Variants in ZDHHC17 observed in about 807,000 individuals in gnomAD.
The protein encoded by ZDHHC17 is zDHHC palmitoyltransferase 17, also known as palmitoyltransferase ZDHHC17.
A neutral mutation model predicts 90.3 loss-of-function variants in ZDHHC17; 40 were observed. The observed-to-expected ratio is 0.44, with a 90% confidence interval of 0.34 to 0.58. ZDHHC17 has a LOEUF of 0.58. Ranked by LOEUF, ZDHHC17 falls within the 20% of genes least tolerant of loss-of-function variation. The pLI, the probability that ZDHHC17 is intolerant of heterozygous loss-of-function variation, is 0.01. For missense variants in ZDHHC17, 614 were observed against 780.8 expected (o/e 0.79, Z 2.55); for synonymous variants, 235 against 252.4 (o/e 0.93, Z 0.65).
At chr12:76,825,518 G>C (rs939982668) in intron 8 of ZDHHC17, among the ~76,000 whole-genome samples, 5 of 151,970 alleles carry the variant, frequency 3.3e-5, no homozygotes, top group Non-Finnish European at 7.4e-5. Flanking sequence ...TTGATATAAA[G>C]TTCATACTTA....
At chr12:76,775,016 G>T (rs1018567979) in intron 1 of ZDHHC17, among the ~76,000 whole-genome samples, 1 of 152,178 alleles carries the variant, frequency 6.6e-6, no homozygotes, top group South Asian at 2.1e-4. Context: ...TTTAGTAGAG[G>T]TGGGTTTCGC....
chr12:76,781,519 G>A lies in ZDHHC17; in HGVS notation c.94-15915G>A, dbSNP rs1952626209. 3 of 430,718 alleles carry A rather than the reference G, an allele frequency of 7.0e-6. No individual in the cohort carries two copies. The Admixed American group carries it at 7.6e-5, about 11-fold the overall frequency. The allele number at this position is 430,718 out of a possible 1,614,324, so 26.7% of individuals were successfully genotyped here. Reference sequence around the variant, plus strand: ...ATGGATTAATGTCCTTATCAAGAGAGTGAGTTTGTTACTCGAGAGTGGGTG... The same window carrying A: ...ATGGATTAATGTCCTTATCAAGAGAATGAGTTTGTTACTCGAGAGTGGGTG... On this transcript the variant is annotated intron_variant, in intron 1 of 16. Coordinates refer to ENST00000426126, the MANE Select transcript of ZDHHC17 (RefSeq NM_015336.4).
At chr12:76,832,161 A>G (rs1953310233) in intron 10 of ZDHHC17, among the ~76,000 whole-genome samples, 1 of 152,250 alleles carries the variant, frequency 6.6e-6, no homozygotes, top group Non-Finnish European at 1.5e-5. Flanking sequence ...GGAAGGGAAC[A>G]GAAAAGAACA....
chr12:76,832,512 T>G (rs1297898261), intron 10 of ZDHHC17, among the ~76,000 whole-genome samples: 1 of 152,240 alleles, frequency 6.6e-6, no homozygotes, highest in East Asian at 1.9e-4. Context: ...GTGGCTCTGG[T>G]CACAACAGTA....
chr12:76,842,676 A>G (rs1220650474), intron 11 of ZDHHC17, among the ~76,000 whole-genome samples: 2 of 152,168 alleles, frequency 1.3e-5, no homozygotes, highest in East Asian at 1.9e-4. Flanking sequence ...CCAGTCCACA[A>G]TTGACTAAGA....
intron 3 of ZDHHC17, among the ~76,000 whole-genome samples, chr12:76,807,320 A>G (rs568611898): frequency 6.6e-6 from 1 of 152,216 alleles, no homozygotes; most frequent in African/African-American, 2.4e-5. Flanking sequence ...ATTTTTCTGC[A>G]ATGTATTTAT....
intron 1 of ZDHHC17, among the ~76,000 whole-genome samples, chr12:76,767,473 A>C (rs1271343122): frequency 2.6e-5 from 4 of 152,222 alleles, no homozygotes; most frequent in Non-Finnish European, 5.9e-5. Flanking sequence ...TAGGTAAGAT[A>C]ATCTTACTTT....
At position 76,842,982 on chromosome 12, in the gene ZDHHC17, G is replaced by A; in HGVS notation, c.1329+1G>A. 1 of 1,608,530 alleles carries A rather than the reference G, an allele frequency of 6.2e-7. No homozygotes were observed. Among genetic ancestry groups the A allele is most frequent in the Non-Finnish European group, 8.5e-7 (1 of 1,176,660 alleles). On this transcript the variant is annotated splice_donor_variant, in intron 12 of 16. Coordinates refer to ENST00000426126, the MANE Select transcript of ZDHHC17 (RefSeq NM_015336.4). LOFTEE classifies it high-confidence loss of function. Reference sequence around the variant, plus strand: ...CAGTATATTCTGCAGTACCTGTTTGGTAGTATTTTCTTCTTTGTTCTTCCC... The same window carrying A: ...CAGTATATTCTGCAGTACCTGTTTGATAGTATTTTCTTCTTTGTTCTTCCC...
rs758206193 is a variant in ZDHHC17 at position 76,764,247 on chromosome 12, A to G, written c.11A>G (p.Glu4Gly). 2.5e-6 allele frequency: 4 copies of G among 1,595,596 alleles called. No homozygotes were observed. The African/African-American group carries it at 5.4e-5, about 22-fold the overall frequency. The change falls in exon 1 of 17, where the codon GAG becomes GGG. Residue 4 changes from glutamate to glycine, a missense_variant. Physicochemically the swap from Glu to Gly is moderately conservative, Grantham distance 98 (BLOSUM62 -2). Coordinates refer to ENST00000426126, the MANE Select transcript of ZDHHC17 (RefSeq NM_015336.4). ...ACGCTTTCTCCCAGCATGCAGCGGG[A>G]GGAGGGATTTAACACCAAGATGGCG... MQREEGFNTKMADG... is the reference protein window; with the variant it reads MQRGEGFNTKMADG...
chr12:76,797,840 A>T (rs1014384576), intron 2 of ZDHHC17, among the ~76,000 whole-genome samples: 1 of 151,822 alleles, frequency 6.6e-6, no homozygotes, highest in African/African-American at 2.4e-5. Context: ...GCTATTTGGG[A>T]GGCTGAGGCG....
At chr12:76,818,190 A>G (rs1023652280) in intron 7 of ZDHHC17, among the ~76,000 whole-genome samples, 6 of 151,834 alleles carry the variant, frequency 4.0e-5, no homozygotes, top group Admixed American at 3.3e-4. Context: ...TTCAGGGGAA[A>G]AATTACCTGT....
intron 10 of ZDHHC17, among the ~76,000 whole-genome samples, chr12:76,837,191 A>G (rs1346567053): frequency 5.9e-5 from 9 of 152,174 alleles, no homozygotes; most frequent in African/African-American, 2.2e-4. Flanking sequence ...GCTGGAGTGC[A>G]GTGGCGTGAT....
intron 1 of ZDHHC17, chr12:76,764,639 T>G (rs1017784): frequency 2.0e-6 from 1 of 511,952 alleles, no homozygotes; most frequent in South Asian, 1.8e-5. Context: ...GGGCCTGGTG[T>G]GGTTTTTGAA....
At chr12:76,848,463 A>T in intron 15 of ZDHHC17, 73 bp downstream of exon 15, 1 of 1,466,030 alleles carries the variant, frequency 6.8e-7, no homozygotes, top group Admixed American at 2.0e-5. Flanking sequence ...ATAATAATAT[A>T]TTCTCTTCCT....
At chr12:76,797,944 C>T (rs1952842033) in intron 2 of ZDHHC17, among the ~76,000 whole-genome samples, 1 of 10,998 alleles carries the variant, frequency 9.1e-5, no homozygotes, top group African/African-American at 4.4e-4. Context: ...AACTCTGCCA[C>T]ACACACACAC....
At chr12:76,845,533 T>C in intron 12 of ZDHHC17, 176 bp from the exon 13 acceptor site, 1 of 328,976 alleles carries the variant, frequency 3.0e-6, no homozygotes, top group Non-Finnish European at 5.4e-6. Context: ...GTTTTTGCAG[T>C]TGAAATTTTA....
intron 1 of ZDHHC17, among the ~76,000 whole-genome samples, chr12:76,779,095 C>T (rs2137721221): frequency 6.6e-6 from 1 of 152,306 alleles, no homozygotes; most frequent in Middle Eastern, 3.4e-3. Context: ...GGGGTTAGAG[C>T]TTCAACATAT....
At chr12:76,820,620 TAAG>T in intron 7 of ZDHHC17, among the ~76,000 whole-genome samples, 1 of 152,294 alleles carries the variant, frequency 6.6e-6, no homozygotes, top group South Asian at 2.1e-4. Flanking sequence ...TGAAATGAGG[TAAG>T]AAACTGTTTT....
chr12:76,781,361 CT>C (rs1259311287), intron 1 of ZDHHC17, among the ~76,000 whole-genome samples: 1 of 152,158 alleles, frequency 6.6e-6, no homozygotes, highest in African/African-American at 2.4e-5. Flanking sequence ...TGTTAAGCGA[CT>C]TGTATTTTAA....
Sources: gnomAD v4.1 joint callset for allele counts (sites outside exome capture counted in the v4.1 genomes callset) on GRCh38, gnomAD v4.1.1 for gene constraint, MANE v1.5 for transcripts, NCBI Gene and HGNC (gene_info 2026-07-23, HGNC 2026-07-21) for gene names.